The following SRPK2 variants were observed in gnomAD, a reference collection of about 807,000 sequenced individuals.
SRPK2 encodes the protein SFRS protein kinase 2.
Under a neutral mutation model 90.8 loss-of-function variants are expected in SRPK2, and 21 were observed. That is an observed-to-expected ratio of 0.23 (90% CI 0.16 to 0.33). SRPK2 has a LOEUF of 0.33. Ranked by LOEUF, SRPK2 falls within the 10% of genes least tolerant of loss-of-function variation. The probability of loss-of-function intolerance (pLI) is 1.00; values close to 1 mark genes in which losing one functional copy is unlikely to be tolerated. For missense variants in SRPK2, 620 were observed against 869.0 expected (o/e 0.71, Z 3.60); for synonymous variants, 288 against 311.1 (o/e 0.93, Z 0.78).
intron 2 of SRPK2, among the ~76,000 whole-genome samples, chr7:105,314,518 G>C (rs374615274): frequency 2.0e-5 from 3 of 152,096 alleles, no homozygotes; most frequent in East Asian, 3.9e-4. Flanking sequence ...TGAGTAGCTG[G>C]GACTACAGGT....
At chr7:105,215,997 A>C (rs1482461589) in intron 2 of SRPK2, among the ~76,000 whole-genome samples, 1 of 151,690 alleles carries the variant, frequency 6.6e-6, no homozygotes, top group East Asian at 1.9e-4. Flanking sequence ...TCAAGGCTAT[A>C]ATATGCCACG....
chr7:105,138,023 C>A (rs905491172), intron 11 of SRPK2, among the ~76,000 whole-genome samples: 3 of 152,188 alleles, frequency 2.0e-5, no homozygotes, highest in East Asian at 1.9e-4. Flanking sequence ...GTCCCTGGTA[C>A]ATCCCTAGAA....
chr7:105,129,160 G>C (rs748964991), intron 13 of SRPK2, among the ~76,000 whole-genome samples: 18 of 151,978 alleles, frequency 1.2e-4, no homozygotes, highest in Non-Finnish European at 2.4e-4. Context: ...CACCATGTTA[G>C]CCTGACCTCG....
At chr7:105,163,904 T>C (rs957566834) in intron 6 of SRPK2, among the ~76,000 whole-genome samples, 3 of 152,206 alleles carry the variant, frequency 2.0e-5, no homozygotes, top group African/African-American at 7.2e-5. Context: ...GTTCAACTTA[T>C]GCAATTCCAA....
chr7:105,226,585 G>T (rs967638381), intron 2 of SRPK2, among the ~76,000 whole-genome samples: 2 of 152,110 alleles, frequency 1.3e-5, no homozygotes, highest in Non-Finnish European at 2.9e-5. Context: ...ACCATGCCGG[G>T]CCAAAATTCA....
At chr7:105,167,229 T>G (rs926562846) in intron 6 of SRPK2, 148 bp downstream of exon 6, 23 of 536,630 alleles carry the variant, frequency 4.3e-5, no homozygotes, top group African/African-American at 3.6e-4. Context: ...TGAAAACTAT[T>G]CTAGGTGGAC....
chr7:105,309,416 G>C (rs928963430), intron 2 of SRPK2, among the ~76,000 whole-genome samples: 5 of 152,150 alleles, frequency 3.3e-5, no homozygotes, highest in African/African-American at 1.2e-4. Flanking sequence ...TTCAGCTAAA[G>C]GCCTTGAAAA....
rs571349808 is a variant in SRPK2 at position 105,238,271 on chromosome 7, A to C, written c.72-34486T>G. Reference sequence around the variant, plus strand: ...AATCATCATCGTCGTCATCATCCTCATCATCATCATCCCTTGGGTGAGAAA... The same window carrying C: ...AATCATCATCGTCGTCATCATCCTCCTCATCATCATCCCTTGGGTGAGAAA... On this transcript the variant is annotated intron_variant, in intron 2 of 15. Transcript: ENST00000393651. Among the ~76,000 whole-genome samples, 275 of 152,292 alleles carry C rather than the reference A, an allele frequency of 1.8e-3. 2 individuals are homozygous for C. The highest frequency in any genetic ancestry group is 6.0e-3 in the African/African-American group (249 of 41,546).
At chr7:105,324,043 C>A (rs1813273582) in intron 2 of SRPK2, among the ~76,000 whole-genome samples, 1 of 150,552 alleles carries the variant, frequency 6.6e-6, no homozygotes, top group East Asian at 1.9e-4. Flanking sequence ...GTCGCCCGGG[C>A]TGGAGTGCAA....
In SRPK2 at chr7:105,323,614, T is replaced by C. The variant is rs540973188; in HGVS notation, c.71+65034A>G. Among the ~76,000 whole-genome samples, 8 of 152,336 alleles carry C rather than the reference T, an allele frequency of 5.3e-5. No homozygotes were observed. In the South Asian group the frequency reaches 1.5e-3, roughly 28 times the overall value. Reference sequence around the variant, plus strand: ...CAAAAAAGTCTTTCTTCTCAGCTACTTGCTACATACTTTACTCAGCACCAA... The same window carrying C: ...CAAAAAAGTCTTTCTTCTCAGCTACCTGCTACATACTTTACTCAGCACCAA... On this transcript the variant is annotated intron_variant, in intron 2 of 15. Transcript: ENST00000393651.
chr7:105,331,726 G>T (rs999904314), intron 2 of SRPK2, among the ~76,000 whole-genome samples: 2 of 152,100 alleles, frequency 1.3e-5, no homozygotes, highest in African/African-American at 4.8e-5. Context: ...AGCACAAAAA[G>T]TGTACGGAAA....
intron 2 of SRPK2, among the ~76,000 whole-genome samples, chr7:105,250,400 A>G (rs1191761369): frequency 7.9e-6 from 1 of 127,264 alleles, no homozygotes; most frequent in Non-Finnish European, 1.9e-5. Flanking sequence ...ACATGCAAAC[A>G]ATGCAAGAAA....
At chr7:105,343,588 A>G (rs1816084787) in intron 2 of SRPK2, among the ~76,000 whole-genome samples, 1 of 152,214 alleles carries the variant, frequency 6.6e-6, no homozygotes, top group Non-Finnish European at 1.5e-5. Flanking sequence ...CTCCATTAGC[A>G]AAGAACCCTT....
At chr7:105,332,698 G>A (rs989138141) in intron 2 of SRPK2, 3 of 151,946 alleles carry the variant, frequency 2.0e-5, no homozygotes, top group South Asian at 2.1e-4. Flanking sequence ...CTGGGAGGTG[G>A]AGGTTGCAGT....
At chr7:105,143,524 T>A in intron 9 of SRPK2, 194 bp from the exon 10 acceptor site, 1 of 672,268 alleles carries the variant, frequency 1.5e-6, no homozygotes, top group Non-Finnish European at 2.5e-6. Flanking sequence ...CTGACTGATA[T>A]CACGTACTAG....
chr7:105,207,182 G>C (rs889335507), intron 2 of SRPK2, among the ~76,000 whole-genome samples: 13 of 152,210 alleles, frequency 8.5e-5, no homozygotes, highest in Middle Eastern at 6.8e-3. Flanking sequence ...TGTTGCCCAG[G>C]GTGGAGTGCA....
intron 11 of SRPK2, among the ~76,000 whole-genome samples, chr7:105,135,926 G>A (rs1802740535): frequency 2.0e-5 from 3 of 151,956 alleles, no homozygotes; most frequent in South Asian, 2.1e-4. Context: ...AACCATGCCC[G>A]ATTAATTTTT....
At chr7:105,297,015 G>A (rs1318218326) in intron 2 of SRPK2, among the ~76,000 whole-genome samples, 1 of 152,106 alleles carries the variant, frequency 6.6e-6, no homozygotes, top group Non-Finnish European at 1.5e-5. Flanking sequence ...GTGTGGTGGG[G>A]TTTTAAGTCT....
chr7:105,134,988 C>T (rs1802579039), intron 11 of SRPK2, among the ~76,000 whole-genome samples: 1 of 152,058 alleles, frequency 6.6e-6, no homozygotes, highest in South Asian at 2.1e-4. Context: ...GAAAGCAGCA[C>T]AAAGACCAAA....
Sources: gnomAD v4.1 joint callset for allele counts (sites outside exome capture counted in the v4.1 genomes callset) on GRCh38, gnomAD v4.1.1 for gene constraint, MANE v1.5 for transcripts, NCBI Gene and HGNC (gene_info 2026-07-23, HGNC 2026-07-21) for gene names.